Variants in SMCHD1 observed in about 807,000 individuals in gnomAD.
The protein encoded by SMCHD1 is structural maintenance of chromosomes flexible hinge domain-containing protein 1.
In SMCHD1, 78 loss-of-function variants were observed where a neutral mutation model predicts 254.7. The observed-to-expected ratio is 0.31, with a 90% CI of 0.26 to 0.37. The LOEUF is 0.37. Among genes scored for constraint, SMCHD1 ranks in the 10% least tolerant of loss-of-function variants. The pLI, the probability that SMCHD1 is intolerant of heterozygous loss-of-function variation, is 1.00. For synonymous variants in SMCHD1, 766 were observed against 794.9 expected (o/e 0.96, Z 0.61); for missense variants, 1,840 against 2,408.1 (o/e 0.76, Z 4.94).
At chr18:2,713,960 A>G (rs995833782) in intron 17 of SMCHD1, among the ~76,000 whole-genome samples, 1 of 152,102 alleles carries the variant, frequency 6.6e-6, no homozygotes, top group East Asian at 1.9e-4. Flanking sequence ...AATAATGTAT[A>G]CTCTGCATAT....
chr18:2,769,860 G>A, intron 38 of SMCHD1, 40 bp downstream of exon 38: 1 of 1,577,680 alleles, frequency 6.3e-7, no homozygotes. Context: ...TCCGTTGTTA[G>A]TGATACTTTA....
At position 2,769,916 on chromosome 18, in the gene SMCHD1, C is replaced by T. The variant is rs2075946370; in HGVS notation, c.4847-73C>T. 4 of 1,532,818 alleles carry T rather than the reference C, an allele frequency of 2.6e-6. No individual in the cohort carries two copies. In the South Asian group the frequency reaches 4.9e-5, roughly 19 times the overall value. The allele number at this position is 1,532,818 out of a possible 1,614,324, so 95.0% of individuals were successfully genotyped here. ...CATTAACTTGGTGTTTATTAGCTAT[C>T]TAACCACTTTATGACATATTTTAGA... On this transcript the variant is annotated intron_variant, in intron 38 of 47. Transcript: ENST00000320876.
At chr18:2,724,068 T>C (rs2074980010) in intron 20 of SMCHD1, among the ~76,000 whole-genome samples, 1 of 150,470 alleles carries the variant, frequency 6.6e-6, no homozygotes, top group South Asian at 2.1e-4. Context: ...ATTAGTGGGA[T>C]TTTAAGAGAC....
chr18:2,690,698 G>A (rs1389140650), intron 7 of SMCHD1, among the ~76,000 whole-genome samples: 1 of 147,636 alleles, frequency 6.8e-6, no homozygotes, highest in Admixed American at 6.8e-5. Context: ...TGGCCAGACT[G>A]GTCTCAAACT....
intron 37 of SMCHD1, among the ~76,000 whole-genome samples, chr18:2,769,380 A>G (rs2143732494): frequency 6.6e-6 from 1 of 152,304 alleles, no homozygotes; most frequent in South Asian, 2.1e-4. Context: ...ACAGGTCAAA[A>G]TTTTAAGTGG....
Position 2,664,900 on chromosome 18 carries a change from T to G in SMCHD1, c.187-1257T>G, listed in dbSNP as rs1282951813. Among the ~76,000 whole-genome samples, 3 of 152,250 alleles carry G rather than the reference T, an allele frequency of 2.0e-5. No individual in the cohort carries two copies. The East Asian group carries it at 5.8e-4, about 29-fold the overall frequency. ...AAAGCAGTGTAAATAATTTGTTCTT[T>G]CCCTTTAATTTGTCAGTGTTCAGAG... is the stretch of plus-strand genomic sequence containing the variant. On this transcript the variant is annotated intron_variant, in intron 1 of 47. Transcript: ENST00000320876.
In SMCHD1 at chr18:2,697,818, C is replaced by G. The variant is rs765394765; in HGVS notation, c.1132-13C>G. On this transcript the variant is annotated splice_polypyrimidine_tract_variant and intron_variant, in intron 9 of 47. Coordinates refer to ENST00000320876, the MANE Select transcript of SMCHD1 (RefSeq NM_015295.3). ...CATAGAATTTAATTATTTTTGTTTC[C>G]TTTTTATTTTAGATTTCTATGTTTG... 1 of 1,554,086 alleles carries G rather than the reference C, an allele frequency of 6.4e-7. No individual in the cohort carries two copies. The highest frequency in any genetic ancestry group is 8.8e-7 in the Non-Finnish European group (1 of 1,130,286).
At chr18:2,730,191 G>A (rs979770809) in intron 24 of SMCHD1, among the ~76,000 whole-genome samples, 4 of 151,754 alleles carry the variant, frequency 2.6e-5, no homozygotes, top group African/African-American at 9.7e-5. Flanking sequence ...TATTTTTTGA[G>A]ATGGAATCTT....
At position 2,656,152 on chromosome 18, in the gene SMCHD1, G is replaced by C. The variant is rs1215446716; in HGVS notation, c.77G>C (p.Arg26Thr). The change falls in exon 1 of 48, where the codon AGG becomes ACG. Residue 26 changes from arginine to threonine, a missense_variant. Coordinates refer to ENST00000320876, the MANE Select transcript of SMCHD1 (RefSeq NM_015295.3). ...GAGGATGGCGGAGGCGTCGGCCACA[G>C]GACGGTGTACTTGTTTGATCGGCGC... is the stretch of plus-strand genomic sequence containing the variant. ...TEEDGGGVGH[R>T]TVYLFDRREK... 6.6e-7 allele frequency: 1 copy of C among 1,513,288 alleles called. No individual in the cohort carries two copies. The highest frequency in any genetic ancestry group is 1.5e-5 in the African/African-American group (1 of 68,734). 93.7% of individuals were successfully genotyped at this position (1,513,288 alleles called of 1,614,324 possible). A position where few individuals can be genotyped will look rare whatever the true frequency, so the allele number is the denominator to read the frequency against.
chr18:2,674,268 T>C, intron 5 of SMCHD1, 123 bp downstream of exon 5: 1 of 757,054 alleles, frequency 1.3e-6, no homozygotes, highest in South Asian at 2.8e-5. Flanking sequence ...CATATTTATT[T>C]AGGTTTTATA....
intron 35 of SMCHD1, 102 bp downstream of exon 35, chr18:2,760,841 G>A (rs2075771875): frequency 3.5e-6 from 2 of 568,872 alleles, no homozygotes; most frequent in Non-Finnish European, 6.2e-6. Context: ...TTCTCATTTA[G>A]TTTATGAATG....
chr18:2,698,898 T>C (rs1416635718), intron 10 of SMCHD1, among the ~76,000 whole-genome samples: 2 of 152,156 alleles, frequency 1.3e-5, no homozygotes, highest in Non-Finnish European at 2.9e-5. Flanking sequence ...AGCTTTATCT[T>C]GTAATTTGGT....
chr18:2,762,853 T>C (rs2075809968), intron 36 of SMCHD1, among the ~76,000 whole-genome samples: 1 of 152,172 alleles, frequency 6.6e-6, no homozygotes, highest in Admixed American at 6.5e-5. Context: ...GAGTGTGAAC[T>C]ATATTGACTC....
intron 1 of SMCHD1, among the ~76,000 whole-genome samples, chr18:2,660,675 T>C (rs1260222777): frequency 6.6e-6 from 1 of 151,016 alleles, no homozygotes; most frequent in African/African-American, 2.5e-5. Context: ...GATTTTACCA[T>C]GTTGGCCAGG....
At chr18:2,701,729 G>A (rs950191910) in intron 12 of SMCHD1, among the ~76,000 whole-genome samples, 2 of 152,092 alleles carry the variant, frequency 1.3e-5, no homozygotes, top group Admixed American at 6.6e-5. Context: ...ACAAAGTTGA[G>A]TGAAACTAGT....
chr18:2,747,414 G>A, intron 29 of SMCHD1, 108 bp from the exon 30 acceptor site: 3 of 974,832 alleles, frequency 3.1e-6, no homozygotes, highest in Non-Finnish European at 4.2e-6. Flanking sequence ...GAAGCCATTT[G>A]CAAATAGAAC....
intron 28 of SMCHD1, 27 bp downstream of exon 28, chr18:2,740,848 G>A (rs1336562841): frequency 1.4e-6 from 2 of 1,413,726 alleles, no homozygotes; most frequent in Middle Eastern, 1.8e-4. Flanking sequence ...TACCATTTTG[G>A]TTTGATTTAT....
Position 2,760,699 on chromosome 18 carries a change from GT to G in SMCHD1, c.4398del (p.Phe1466LeufsTer2). On this transcript the variant is annotated frameshift_variant, in exon 35 of 48. Transcript: ENST00000320876. LOFTEE classifies it high-confidence loss of function. ...GTGGGGACATATTGTATCCAGTTTG[GT>G]TTTATGATGGATAAAACAAATATTC... ...NKVGTYCIQF[G>X]FMMDKTNILN... 2 of 1,603,014 alleles carry G rather than the reference GT, an allele frequency of 1.2e-6. No individual in the cohort carries two copies. The highest frequency in any genetic ancestry group is 1.7e-6 in the Non-Finnish European group (2 of 1,170,620).
intron 37 of SMCHD1, among the ~76,000 whole-genome samples, chr18:2,764,837 G>A (rs1054970624): frequency 6.6e-6 from 1 of 152,156 alleles, no homozygotes; most frequent in Non-Finnish European, 1.5e-5. Context: ...CAGATACCAA[G>A]GGATGACTAT....
Sources: gnomAD v4.1 joint callset for allele counts (sites outside exome capture counted in the v4.1 genomes callset) on GRCh38, gnomAD v4.1.1 for gene constraint, MANE v1.5 for transcripts, NCBI Gene and HGNC (gene_info 2026-07-23, HGNC 2026-07-21) for gene names.